Variants in SLC16A7 observed in about 807,000 individuals in gnomAD.
SLC16A7 encodes solute carrier family 16 member 7.
A neutral mutation model predicts 34.9 loss-of-function variants in SLC16A7; 33 were observed. The observed-to-expected ratio is 0.94, with a 90% CI of 0.72 to 1.26. The LOEUF (loss-of-function observed/expected upper bound fraction) is 1.26. Among genes scored for constraint, SLC16A7 ranks in the 50% most tolerant of loss-of-function variants. SLC16A7 has a pLI of 0.00. For synonymous variants in SLC16A7, 201 were observed against 206.6 expected (o/e 0.97, Z 0.23); for missense variants, 573 against 578.1 (o/e 0.99, Z 0.09).
chr12:59,642,388 C>A lies in SLC16A7; in HGVS notation c.-129-12764C>A, dbSNP rs538014730. 6.3e-4 allele frequency among the ~76,000 whole-genome samples: 96 copies of A among 152,024 alleles called. 2 individuals are homozygous for A. The highest frequency in any genetic ancestry group is 3.1e-4 in the Non-Finnish European group (21 of 67,942). On this transcript the variant is annotated intron_variant, in intron 1 of 5. Coordinates refer to ENST00000547379, the MANE Select transcript of SLC16A7 (RefSeq NM_001270623.2). Reference sequence around the variant, plus strand: ...CTTAGTGTTCCCATAAAATCATGCACATATTTATTTCGCTTACCATATTTT... The same window carrying A: ...CTTAGTGTTCCCATAAAATCATGCAAATATTTATTTCGCTTACCATATTTT...
intron 3 of SLC16A7, chr12:59,763,881 G>A (rs984129409): frequency 1.3e-5 from 2 of 152,056 alleles, no homozygotes; most frequent in Admixed American, 6.6e-5. Context: ...CCATATAAGA[G>A]GGTAAGTTTA....
rs1879879203 is a variant in SLC16A7 at position 59,753,555 on chromosome 12, A to C, written c.218-17664A>C. The stretch of plus-strand genomic sequence containing the variant: ...GGGATCAATTCAACAAGAAGAGCTA[A>C]CTATCCTAAATATATATGCACCCAA... On this transcript the variant is annotated intron_variant, in intron 3 of 5. Transcript: ENST00000547379. Among the ~76,000 whole-genome samples the C allele has an allele frequency of 2.6e-5, 4 of 152,084 alleles. No homozygotes were observed. In the South Asian group the frequency reaches 8.3e-4, roughly 32 times the overall value.
chr12:59,659,151 A>G (rs558610755), intron 2 of SLC16A7, among the ~76,000 whole-genome samples: 1 of 152,190 alleles, frequency 6.6e-6, no homozygotes, highest in South Asian at 2.1e-4. Context: ...CATTGCTAAT[A>G]CTACTTTATA....
chr12:59,717,064 G>A (rs931688044), intron 3 of SLC16A7, among the ~76,000 whole-genome samples: 1 of 152,150 alleles, frequency 6.6e-6, no homozygotes, highest in African/African-American at 2.4e-5. Flanking sequence ...ACAGATGGTT[G>A]CTTATTTGAC....
chr12:59,655,477 CTG>C (rs1343745627), intron 2 of SLC16A7, among the ~76,000 whole-genome samples: 1 of 151,686 alleles, frequency 6.6e-6, no homozygotes, highest in Non-Finnish European at 1.5e-5. Flanking sequence ...CTCAGTTTCT[CTG>C]TATATAAAAA....
At chr12:59,658,897 A>G (rs962296570) in intron 2 of SLC16A7, among the ~76,000 whole-genome samples, 3 of 152,094 alleles carry the variant, frequency 2.0e-5, no homozygotes, top group African/African-American at 4.8e-5. Context: ...CTGATATGAA[A>G]TAATCAGTCA....
intron 3 of SLC16A7, among the ~76,000 whole-genome samples, chr12:59,745,754 A>G (rs1404774596): frequency 6.6e-6 from 1 of 152,230 alleles, no homozygotes; most frequent in Non-Finnish European, 1.5e-5. Context: ...GACATTTCTT[A>G]TGTCTGCAAA....
At position 59,789,786 on chromosome 12, in the gene SLC16A7, G is replaced by GA. The variant is rs1025973495; in HGVS notation, c.*10113dup. 2.0e-5 allele frequency: 3 copies of GA among 149,984 alleles called. No homozygotes were observed. Among genetic ancestry groups the GA allele is most frequent in the South Asian group, 2.1e-4 (1 of 4,786 alleles). 9.3% of individuals were successfully genotyped at this position (149,984 alleles called of 1,614,324 possible). ...GCATATATATTTCTATAATATGTAA[G>GA]AAAAAACCTGTATTGCTTATTAAAT... On this transcript the variant is annotated 3_prime_UTR_variant, in exon 6 of 6. Coordinates refer to ENST00000547379, the MANE Select transcript of SLC16A7 (RefSeq NM_001270623.2).
chr12:59,616,500 G>T lies in SLC16A7; in HGVS notation c.-130+20264G>T, dbSNP rs534017406. Among the ~76,000 whole-genome samples, 10 of 152,116 alleles carry T rather than the reference G, an allele frequency of 6.6e-5. No individual in the cohort carries two copies. The East Asian group carries it at 1.7e-3, about 27-fold the overall frequency. ...TATTTTAGCTTTTTTAATAAAAAAA[G>T]AATTAGTTTTTAAAATACAAAAAAG... On this transcript the variant is annotated intron_variant, in intron 1 of 5. Coordinates refer to ENST00000547379, the MANE Select transcript of SLC16A7 (RefSeq NM_001270623.2).
chr12:59,687,445 A>C (rs1871247411), intron 2 of SLC16A7, among the ~76,000 whole-genome samples: 1 of 152,100 alleles, frequency 6.6e-6, no homozygotes, highest in South Asian at 2.1e-4. Flanking sequence ...ATCAGGGAAA[A>C]GTTTTACCAA....
chr12:59,733,313 G>T (rs900064526), intron 3 of SLC16A7, among the ~76,000 whole-genome samples: 2 of 152,188 alleles, frequency 1.3e-5, no homozygotes, highest in Non-Finnish European at 2.9e-5. Context: ...AGCGGCGAGG[G>T]GTGTGTGAGT....
chr12:59,702,211 C>A (rs1467106568), intron 2 of SLC16A7, among the ~76,000 whole-genome samples: 1 of 151,694 alleles, frequency 6.6e-6, no homozygotes, highest in Non-Finnish European at 1.5e-5. Context: ...TCACTAATAC[C>A]TACAATATTT....
Position 59,784,579 on chromosome 12 carries a change from T to C in SLC16A7, c.*4900T>C, listed in dbSNP as rs1463832151. ...CTTATTTTTCAAGTTTCTCTGAACA[T>C]CTTTGTTGTCATTCACCTCTTTGTC... On this transcript the variant is annotated 3_prime_UTR_variant, in exon 6 of 6. Transcript: ENST00000547379. 5 of 152,188 alleles carry C rather than the reference T, an allele frequency of 3.3e-5. No homozygotes were observed. The highest frequency in any genetic ancestry group is 5.9e-5 in the Non-Finnish European group (4 of 68,024). The allele number at this position is 152,188 out of a possible 1,614,324, so 9.4% of individuals were successfully genotyped here.
In SLC16A7 at chr12:59,783,294, G is replaced by T. The variant is rs1592288455; in HGVS notation, c.*3615G>T. 3.3e-5 allele frequency: 5 copies of T among 152,122 alleles called. No homozygotes were observed. The highest frequency in any genetic ancestry group is 6.6e-5 in the Admixed American group (1 of 15,266). 9.4% of individuals were successfully genotyped at this position (152,122 alleles called of 1,614,324 possible). ...CTAATATTTATATGTTATGCATTTT[G>T]CTTATGTAATGCCTTTCAATATGAA... is the stretch of plus-strand genomic sequence containing the variant. On this transcript the variant is annotated 3_prime_UTR_variant, in exon 6 of 6. Coordinates refer to ENST00000547379, the MANE Select transcript of SLC16A7 (RefSeq NM_001270623.2).
At chr12:59,634,168 C>G (rs1412835022) in intron 1 of SLC16A7, among the ~76,000 whole-genome samples, 2 of 152,014 alleles carry the variant, frequency 1.3e-5, no homozygotes, top group Non-Finnish European at 2.9e-5. Flanking sequence ...TACATCAGGT[C>G]TGCCTGTAGA....
At chr12:59,741,277 A>G (rs1334628415) in intron 3 of SLC16A7, among the ~76,000 whole-genome samples, 1 of 152,234 alleles carries the variant, frequency 6.6e-6, no homozygotes, top group Non-Finnish European at 1.5e-5. Context: ...CTATCCTCAA[A>G]GATTCTTATG....
At chr12:59,748,686 A>T (rs915771456) in intron 3 of SLC16A7, among the ~76,000 whole-genome samples, 1 of 152,224 alleles carries the variant, frequency 6.6e-6, no homozygotes, top group Non-Finnish European at 1.5e-5. Flanking sequence ...AAATAAAAGG[A>T]AATTTATGAA....
chr12:59,704,464 T>A (rs1486362553), intron 2 of SLC16A7, among the ~76,000 whole-genome samples: 5 of 152,120 alleles, frequency 3.3e-5, no homozygotes, highest in Non-Finnish European at 7.4e-5. Context: ...CTTAGAGCTA[T>A]GACTGATGTA....
chr12:59,696,474 G>T (rs780470581), intron 2 of SLC16A7: 3 of 151,962 alleles, frequency 2.0e-5, no homozygotes, highest in Non-Finnish European at 4.4e-5. Context: ...TAGGCTTAAA[G>T]ATTCCACATA....
Sources: allele counts gnomAD v4.1 joint callset (sites outside exome capture counted in the v4.1 genomes callset), GRCh38; gene constraint gnomAD v4.1.1; transcripts MANE v1.5; gene names NCBI Gene and HGNC (gene_info 2026-07-23, HGNC 2026-07-21).